Variants in WWOX observed in about 807,000 individuals in gnomAD.
WWOX encodes WW domain-containing oxidoreductase.
A neutral mutation model predicts 46.2 loss-of-function variants in WWOX; 69 were observed. That is an observed-to-expected ratio of 1.49 (90% CI 1.23 to 1.82). The LOEUF (loss-of-function observed/expected upper bound fraction) is 1.82. Among genes scored for constraint, WWOX ranks in the 40% most tolerant of loss-of-function variants. The pLI, the probability that WWOX is intolerant of heterozygous loss-of-function variation, is 0.00. For synonymous variants in WWOX, 359 were observed against 202.6 expected (o/e 1.77, Z -6.56); for missense variants, 919 against 542.6 (o/e 1.69, Z -6.89).
chr16:79,058,312 G>A (rs1048881861), intron 8 of WWOX, among the ~76,000 whole-genome samples: 5 of 152,072 alleles, frequency 3.3e-5, no homozygotes, highest in African/African-American at 1.2e-4. Context: ...ATAATTCCTA[G>A]ATCTAGAGTT....
intron 8 of WWOX, among the ~76,000 whole-genome samples, chr16:78,970,679 A>T (rs2046452138): frequency 6.6e-6 from 1 of 152,160 alleles, no homozygotes; most frequent in Non-Finnish European, 1.5e-5. Flanking sequence ...AATTCATTTG[A>T]GGCCATAATT....
chr16:78,743,078 C>G lies in WWOX; in HGVS notation c.1056+310326C>G, dbSNP rs192435802. 2.8e-4 allele frequency among the ~76,000 whole-genome samples: 42 copies of G among 152,164 alleles called. No individual in the cohort carries two copies. The East Asian group carries it at 7.8e-3, about 28-fold the overall frequency. On this transcript the variant is annotated intron_variant, in intron 8 of 8. Coordinates refer to ENST00000566780, the MANE Select transcript of WWOX (RefSeq NM_016373.4). ...CTCATGAACAGGAAGTGAACCCGAT[C>G]AGCCCCCGAAGGAAACATCCGTCTC...
intron 8 of WWOX, among the ~76,000 whole-genome samples, chr16:78,708,272 A>G (rs1427744030): frequency 6.6e-6 from 1 of 152,184 alleles, no homozygotes; most frequent in Non-Finnish European, 1.5e-5. Context: ...AATGTATCCC[A>G]TGCAGTATTT....
At chr16:79,060,095 G>GT (rs1225458070) in intron 8 of WWOX, among the ~76,000 whole-genome samples, 3 of 152,258 alleles carry the variant, frequency 2.0e-5, no homozygotes, top group East Asian at 3.9e-4. Flanking sequence ...CAGGTGTATA[G>GT]TTAATCCATT....
intron 8 of WWOX, among the ~76,000 whole-genome samples, chr16:78,591,214 G>C (rs528181547): frequency 8.3e-4 from 126 of 152,254 alleles, no homozygotes; most frequent in African/African-American, 2.9e-3. Flanking sequence ...TATTGCTAGA[G>C]AACAAAGCAC....
At chr16:78,903,812 C>A (rs773529422) in intron 8 of WWOX, among the ~76,000 whole-genome samples, 1 of 152,156 alleles carries the variant, frequency 6.6e-6, no homozygotes, top group African/African-American at 2.4e-5. Flanking sequence ...AGAGTCCAGT[C>A]CATTTATAAC....
At chr16:78,306,802 C>A (rs13339028) in intron 5 of WWOX, among the ~76,000 whole-genome samples, 1 of 151,730 alleles carries the variant, frequency 6.6e-6, no homozygotes, top group Non-Finnish European at 1.5e-5. Context: ...CCACTGAGTC[C>A]CATTCCTTCC....
chr16:78,465,025 G>T (rs192658137), intron 8 of WWOX, among the ~76,000 whole-genome samples: 197 of 152,290 alleles, frequency 1.3e-3, no homozygotes, highest in African/African-American at 4.5e-3. Flanking sequence ...AAGAAAGCGT[G>T]TGCAGGGGAA....
intron 5 of WWOX, among the ~76,000 whole-genome samples, chr16:78,351,950 C>G (rs1224144930): frequency 2.0e-5 from 3 of 152,170 alleles, no homozygotes; most frequent in Non-Finnish European, 4.4e-5. Context: ...AGCCACCACG[C>G]CCAGCAGTAT....
intron 8 of WWOX, chr16:78,891,252 G>C (rs955783636): frequency 6.6e-6 from 1 of 152,018 alleles, no homozygotes; most frequent in Admixed American, 6.6e-5. Context: ...TTCAGGTTTA[G>C]GATTGTTGAT....
chr16:78,524,270 C>A (rs2043409982), intron 8 of WWOX, among the ~76,000 whole-genome samples: 1 of 152,148 alleles, frequency 6.6e-6, no homozygotes, highest in Non-Finnish European at 1.5e-5. Context: ...GCAGACACAG[C>A]CATGATGAGC....
chr16:78,406,359 ATTAT>A (rs1567553513), intron 6 of WWOX, among the ~76,000 whole-genome samples: 5 of 59,922 alleles, frequency 8.3e-5, no homozygotes, highest in African/African-American at 2.6e-4. Flanking sequence ...TATATATTTT[ATTAT>A]TTTTTTTTGA....
intron 8 of WWOX, among the ~76,000 whole-genome samples, chr16:79,148,912 T>TA (rs397764044): frequency 1.3e-5 from 2 of 152,040 alleles, no homozygotes; most frequent in Non-Finnish European, 2.9e-5. Flanking sequence ...AGGAGTTTTT[T>TA]ATTTTTGTTT....
Position 79,211,793 on chromosome 16 carries a change from C to G in WWOX, c.1242C>G (p.Gly414=), listed in dbSNP as rs557367276. The G allele has an allele frequency of 2.5e-6, 4 of 1,614,042 alleles. No homozygotes were observed. The highest frequency in any genetic ancestry group is 2.5e-6 in the Non-Finnish European group (3 of 1,179,970). The part of the protein sequence containing the change: ...LIQERLGSQS[G] ...AAGAACGGCTTGGCAGCCAGTCCGGCTAAGTGGAGCTCAGAGCGGATGGGC... is the reference window on the plus strand; with the variant it reads ...AAGAACGGCTTGGCAGCCAGTCCGGGTAAGTGGAGCTCAGAGCGGATGGGC... Residue 414 remains glycine, a synonymous_variant, in exon 9 of 9, where the codon GGC becomes GGG. Transcript: ENST00000566780.
intron 8 of WWOX, among the ~76,000 whole-genome samples, chr16:78,495,107 G>T (rs2084880172): frequency 6.8e-6 from 1 of 147,962 alleles, no homozygotes; most frequent in African/African-American, 2.5e-5. Context: ...GTGCTTATAA[G>T]AAAAGATATA....
At chr16:79,012,731 G>GC (rs1403221827) in intron 8 of WWOX, among the ~76,000 whole-genome samples, 1 of 152,198 alleles carries the variant, frequency 6.6e-6, no homozygotes, top group Non-Finnish European at 1.5e-5. Flanking sequence ...ACGTATACGT[G>GC]CCCTTTTTTC....
intron 4 of WWOX, among the ~76,000 whole-genome samples, chr16:78,156,150 G>C (rs919628169): frequency 1.3e-5 from 2 of 152,176 alleles, no homozygotes; most frequent in Non-Finnish European, 2.9e-5. Context: ...TGGCTTACCC[G>C]TAACTACAGT....
chr16:79,181,988 G>A (rs1457522522), intron 8 of WWOX, among the ~76,000 whole-genome samples: 1 of 152,174 alleles, frequency 6.6e-6, no homozygotes, highest in African/African-American at 2.4e-5. Flanking sequence ...TGAACCTTCT[G>A]ACAATCCCGG....
At chr16:78,354,332 G>T (rs1220032105) in intron 5 of WWOX, among the ~76,000 whole-genome samples, 1 of 18,118 alleles carries the variant, frequency 5.5e-5, no homozygotes, top group Non-Finnish European at 1.6e-4. Context: ...TTTTTGGTCA[G>T]GTGTGTAGGT....
Sources: allele counts gnomAD v4.1 joint callset (sites outside exome capture counted in the v4.1 genomes callset), GRCh38; gene constraint gnomAD v4.1.1; transcripts MANE v1.5; gene names NCBI Gene and HGNC (gene_info 2026-07-23, HGNC 2026-07-21).